The following MAPK8 variants were observed in gnomAD, a reference collection of about 807,000 sequenced individuals.
The protein encoded by MAPK8 is JUN N-terminal kinase.
A neutral mutation model predicts 52.9 loss-of-function variants in MAPK8; 13 were observed. The observed-to-expected ratio is 0.25, with a 90% confidence interval of 0.16 to 0.39. The LOEUF is 0.39. Ranked by LOEUF, MAPK8 falls within the 10% of genes least tolerant of loss-of-function variation. The probability of loss-of-function intolerance (pLI) is 1.00; values close to 1 mark genes in which losing one functional copy is unlikely to be tolerated. For synonymous variants in MAPK8, 191 were observed against 169.8 expected (o/e 1.12, Z -0.97); for missense variants, 300 against 519.2 (o/e 0.58, Z 4.10).
At chr10:48,361,342 A>G (rs553651608) in intron 1 of MAPK8, among the ~76,000 whole-genome samples, 41 of 152,178 alleles carry the variant, frequency 2.7e-4, no homozygotes, top group African/African-American at 8.4e-4. Flanking sequence ...TAGTTGACTT[A>G]TGACTGCCTC....
At chr10:48,364,786 TA>T (rs1043529702) in intron 1 of MAPK8, among the ~76,000 whole-genome samples, 3 of 152,174 alleles carry the variant, frequency 2.0e-5, no homozygotes, top group African/African-American at 7.2e-5. Context: ...TTTCATATCC[TA>T]AAGACAGAAA....
chr10:48,425,621 T>G (rs1194705735), intron 7 of MAPK8: 2 of 346,984 alleles, frequency 5.8e-6, no homozygotes, highest in African/African-American at 4.2e-5. Context: ...CTTATCATTT[T>G]ATTTAGAATT....
At chr10:48,335,066 T>C (rs1250679087) in intron 1 of MAPK8, among the ~76,000 whole-genome samples, 1 of 152,192 alleles carries the variant, frequency 6.6e-6, no homozygotes, top group East Asian at 1.9e-4. Flanking sequence ...TTCTGATCAC[T>C]TATAGTGACT....
At chr10:48,372,309 C>T (rs1208088738) in intron 1 of MAPK8, among the ~76,000 whole-genome samples, 1 of 152,022 alleles carries the variant, frequency 6.6e-6, no homozygotes, top group African/African-American at 2.4e-5. Flanking sequence ...ACCAGAACAC[C>T]TCTTCTCCTC....
At chr10:48,346,210 T>C (rs1158516815) in intron 1 of MAPK8, among the ~76,000 whole-genome samples, 1 of 152,250 alleles carries the variant, frequency 6.6e-6, no homozygotes, top group Non-Finnish European at 1.5e-5. Flanking sequence ...AGAATAGTTA[T>C]ACCAGATATA....
intron 11 of MAPK8, among the ~76,000 whole-genome samples, chr10:48,433,695 T>C (rs962063733): frequency 1.3e-5 from 2 of 152,216 alleles, no homozygotes; most frequent in African/African-American, 4.8e-5. Context: ...GCCTATTTTC[T>C]TTTTGCATTT....
chr10:48,391,255 T>G (rs1732968021), intron 1 of MAPK8, among the ~76,000 whole-genome samples: 1 of 152,238 alleles, frequency 6.6e-6, no homozygotes, highest in Non-Finnish European at 1.5e-5. Context: ...TTAATTCTTT[T>G]GAGCCTCAGA....
intron 5 of MAPK8, among the ~76,000 whole-genome samples, chr10:48,411,847 A>G (rs961725366): frequency 2.0e-5 from 1 of 49,154 alleles, no homozygotes; most frequent in African/African-American, 8.6e-5. Flanking sequence ...TCCTTTCTCC[A>G]CCCTCTCCTC....
At chr10:48,379,332 T>C (rs747842807) in intron 1 of MAPK8, among the ~76,000 whole-genome samples, 1 of 152,234 alleles carries the variant, frequency 6.6e-6, no homozygotes, top group African/African-American at 2.4e-5. Context: ...TTATTGGCTC[T>C]ATAAAGTCAA....
At chr10:48,322,312 A>T (rs1843074993) in intron 1 of MAPK8, among the ~76,000 whole-genome samples, 2 of 46,534 alleles carry the variant, frequency 4.3e-5, no homozygotes, top group African/African-American at 4.5e-4. Context: ...GTCTTTCATG[A>T]TTTAAAAAAA....
chr10:48,421,942 A>G (rs2043382790), intron 6 of MAPK8, among the ~76,000 whole-genome samples: 1 of 152,170 alleles, frequency 6.6e-6, no homozygotes, highest in South Asian at 2.1e-4. Context: ...TAACTACATT[A>G]GCCAGCAAGG....
chr10:48,397,155 CTT>C (rs200191115), intron 1 of MAPK8, among the ~76,000 whole-genome samples: 6 of 144,172 alleles, frequency 4.2e-5, no homozygotes, highest in African/African-American at 2.5e-5. Context: ...TTTGTATAAC[CTT>C]TTTTTTTTTT....
intron 1 of MAPK8, among the ~76,000 whole-genome samples, chr10:48,382,449 A>G (rs756758856): frequency 1.4e-4 from 21 of 152,188 alleles, no homozygotes; most frequent in Non-Finnish European, 2.8e-4. Flanking sequence ...ATACATAAAA[A>G]TACAAACATA....
At chr10:48,431,988 T>G (rs973838421) in intron 11 of MAPK8, among the ~76,000 whole-genome samples, 8 of 152,312 alleles carry the variant, frequency 5.3e-5, no homozygotes, top group Non-Finnish European at 1.2e-4. Flanking sequence ...TTCAGAAATT[T>G]GAAGTAACAT....
At chr10:48,416,707 C>T (rs1248530782) in intron 5 of MAPK8, among the ~76,000 whole-genome samples, 1 of 152,104 alleles carries the variant, frequency 6.6e-6, no homozygotes. Context: ...AAAATGCAGT[C>T]ATTGGTTAGT....
At chr10:48,307,028 C>G (rs1195876070) in intron 1 of MAPK8, 1 of 151,972 alleles carries the variant, frequency 6.6e-6, no homozygotes, top group African/African-American at 2.4e-5. Flanking sequence ...GCTGCGGGAC[C>G]TGGGTGCGCT....
intron 1 of MAPK8, among the ~76,000 whole-genome samples, chr10:48,316,463 T>A (rs57990560): frequency 1.3e-5 from 2 of 152,136 alleles, no homozygotes; most frequent in Non-Finnish European, 2.9e-5. Flanking sequence ...TTAAGCAAGG[T>A]GTGACTATGT....
chr10:48,361,043 A>AT (rs549772224), intron 1 of MAPK8, among the ~76,000 whole-genome samples: 6 of 151,960 alleles, frequency 3.9e-5, no homozygotes, highest in South Asian at 2.1e-4. Flanking sequence ...GAAGTGGTTG[A>AT]TTTTTTTTAA....
chr10:48,408,482 G>A (rs1323239277), intron 3 of MAPK8, among the ~76,000 whole-genome samples: 13 of 152,194 alleles, frequency 8.5e-5, no homozygotes, highest in Admixed American at 8.5e-4. Context: ...TTTTAAAAAT[G>A]ACATTCTTAA....
Sources: allele counts gnomAD v4.1 joint callset (sites outside exome capture counted in the v4.1 genomes callset), GRCh38; gene constraint gnomAD v4.1.1; transcripts MANE v1.5; gene names NCBI Gene and HGNC (gene_info 2026-07-23, HGNC 2026-07-21).